NRXN1: variants seen among roughly 807,000 people sequenced by gnomAD.
NRXN1 encodes the protein neurexin 1, also known as neurexin-1.
NRXN1 carries 39 observed loss-of-function variants against 150.9 expected under a neutral mutation model. The ratio of observed to expected loss-of-function variants is 0.26; its 90% CI spans 0.20 to 0.34. NRXN1 has a LOEUF of 0.34. Among genes scored for constraint, NRXN1 ranks in the 10% least tolerant of loss-of-function variants. The pLI is 1.00. For synonymous variants in NRXN1, 924 were observed against 757.0 expected, an observed-to-expected ratio of 1.22 and a Z score of -3.62; for missense variants, 1,815 against 1,949.9, an observed-to-expected ratio of 0.93 and a Z score of 1.30.
chr2:50,862,210 A>G (rs557910134), intron 5 of NRXN1, among the ~76,000 whole-genome samples: 188 of 152,106 alleles, frequency 1.2e-3, no homozygotes, highest in African/African-American at 4.3e-3. Context: ...CTCAAAAAAA[A>G]AAAAAAAAAA....
chr2:50,390,017 A>G (rs1439262830), intron 17 of NRXN1, among the ~76,000 whole-genome samples: 2 of 152,200 alleles, frequency 1.3e-5, no homozygotes, highest in Admixed American at 1.3e-4. Context: ...TGAAATGCCT[A>G]CATCTTATAC....
intron 2 of NRXN1, among the ~76,000 whole-genome samples, chr2:50,938,929 G>A (rs1474846781): frequency 1.3e-5 from 2 of 151,858 alleles, no homozygotes; most frequent in Admixed American, 6.6e-5. Flanking sequence ...TTAAATGTAG[G>A]GGCTGAGCGC....
intron 18 of NRXN1, among the ~76,000 whole-genome samples, chr2:50,221,856 A>G (rs1274968034): frequency 6.6e-6 from 1 of 152,040 alleles, no homozygotes; most frequent in South Asian, 2.1e-4. Flanking sequence ...TAAATTGGCT[A>G]TCAACAGCTA....
intron 1 of NRXN1, among the ~76,000 whole-genome samples, chr2:51,030,535 A>AACACACACAC (rs57434663): frequency 6.2e-5 from 9 of 145,250 alleles, no homozygotes; most frequent in African/African-American, 1.8e-4. Context: ...TCTCTCTTTC[A>AACACACACAC]ACACACACAC....
At chr2:50,156,879 G>A (rs1008983693) in intron 18 of NRXN1, among the ~76,000 whole-genome samples, 3 of 151,958 alleles carry the variant, frequency 2.0e-5, no homozygotes, top group African/African-American at 7.2e-5. Context: ...CCACTAAAGT[G>A]CTATAAGAAA....
intron 17 of NRXN1, among the ~76,000 whole-genome samples, chr2:50,309,905 A>C (rs1438963035): frequency 6.6e-6 from 1 of 152,212 alleles, no homozygotes; most frequent in East Asian, 1.9e-4. Context: ...AAATAGACTC[A>C]TGATTAAAAT....
chr2:50,096,662 G>A (rs6749384), intron 18 of NRXN1, among the ~76,000 whole-genome samples: 143 of 152,258 alleles, frequency 9.4e-4, no homozygotes, highest in African/African-American at 3.3e-3. Flanking sequence ...TATCAGTAAC[G>A]AGGCATTTAT....
chr2:49,937,724 G>A (rs1671296123), intron 22 of NRXN1, among the ~76,000 whole-genome samples: 1 of 152,036 alleles, frequency 6.6e-6, no homozygotes, highest in Non-Finnish European at 1.5e-5. Flanking sequence ...CTGTTTTTCT[G>A]GCTGCAGCTC....
At chr2:50,748,521 C>T (rs974848279) in intron 5 of NRXN1, among the ~76,000 whole-genome samples, 6 of 152,056 alleles carry the variant, frequency 3.9e-5, no homozygotes, top group African/African-American at 1.4e-4. Context: ...TCCCCATAAG[C>T]ATAGAAATTT....
intron 5 of NRXN1, among the ~76,000 whole-genome samples, chr2:50,655,455 A>C (rs1686289268): frequency 2.0e-5 from 3 of 151,964 alleles, no homozygotes; most frequent in Non-Finnish European, 4.4e-5. Flanking sequence ...AAACTCTGAG[A>C]ATAAAATCTG....
At chr2:50,557,408 G>A (rs921464701) in intron 8 of NRXN1, among the ~76,000 whole-genome samples, 1 of 152,154 alleles carries the variant, frequency 6.6e-6, no homozygotes, top group Admixed American at 6.5e-5. Context: ...CCCTCCCTGA[G>A]AGAACATGAA....
At chr2:50,195,640 C>T (rs2061710127) in intron 18 of NRXN1, among the ~76,000 whole-genome samples, 1 of 152,086 alleles carries the variant, frequency 6.6e-6, no homozygotes, top group Non-Finnish European at 1.5e-5. Context: ...CACTCTCCTC[C>T]CTCTTCCCAA....
At chr2:50,966,164 C>T (rs558261959) in intron 2 of NRXN1, among the ~76,000 whole-genome samples, 4 of 151,340 alleles carry the variant, frequency 2.6e-5, no homozygotes, top group Admixed American at 6.6e-5. Flanking sequence ...AAAAGTAAGA[C>T]GACTTTCCAA....
chr2:50,655,872 A>C (rs1686375029), intron 5 of NRXN1, among the ~76,000 whole-genome samples: 1 of 151,996 alleles, frequency 6.6e-6, no homozygotes, highest in Admixed American at 6.6e-5. Flanking sequence ...ATAAATAAGA[A>C]AAGAAATTCT....
intron 17 of NRXN1, among the ~76,000 whole-genome samples, chr2:50,337,365 G>T (rs959850219): frequency 2.0e-5 from 3 of 152,110 alleles, no homozygotes; most frequent in African/African-American, 7.2e-5. Flanking sequence ...GACTACAGGC[G>T]TGAGCCACCG....
At position 50,811,920 on chromosome 2, in the gene NRXN1, G is replaced by C. The variant is rs542423598; in HGVS notation, c.832+109949C>G. 2.6e-5 allele frequency among the ~76,000 whole-genome samples: 4 copies of C among 152,062 alleles called. No homozygotes were observed. The East Asian group carries it at 7.7e-4, about 29-fold the overall frequency. On this transcript the variant is annotated intron_variant, in intron 5 of 22. Transcript: ENST00000401669. ...AAAAATGTGGCTCCATATTATGTAA[G>C]ATTTTGGTACAATATTTAAAATTCT...
At chr2:50,033,164 C>A (rs1573519596) in intron 21 of NRXN1, among the ~76,000 whole-genome samples, 1 of 151,678 alleles carries the variant, frequency 6.6e-6, no homozygotes, top group Non-Finnish European at 1.5e-5. Flanking sequence ...TAAAACAGTG[C>A]CTTTCCCAGT....
intron 18 of NRXN1, among the ~76,000 whole-genome samples, chr2:50,230,814 C>A (rs1294612004): frequency 1.3e-5 from 2 of 152,008 alleles, no homozygotes; most frequent in African/African-American, 4.8e-5. Flanking sequence ...TGTATTGATT[C>A]ATTTACCTCT....
At chr2:50,110,116 T>C (rs900478387) in intron 18 of NRXN1, among the ~76,000 whole-genome samples, 1 of 152,074 alleles carries the variant, frequency 6.6e-6, no homozygotes, top group Non-Finnish European at 1.5e-5. Context: ...CAATGTGTAA[T>C]GCAAGAAACA....
Sources: allele counts gnomAD v4.1 joint callset (sites outside exome capture counted in the v4.1 genomes callset), GRCh38; gene constraint gnomAD v4.1.1; transcripts MANE v1.5; gene names NCBI Gene and HGNC (gene_info 2026-07-23, HGNC 2026-07-21).